KCNT2: variants seen among roughly 807,000 people sequenced by gnomAD.
KCNT2 encodes potassium channel subfamily T member 2.
Under a neutral mutation model 153.8 loss-of-function variants are expected in KCNT2, and 67 were observed. That is an observed-to-expected ratio of 0.44 (90% CI 0.36 to 0.53). KCNT2 has a LOEUF of 0.53. Ranked by LOEUF, KCNT2 falls within the 20% of genes least tolerant of loss-of-function variation. The probability of loss-of-function intolerance (pLI) is 0.00; values close to 1 mark genes in which losing one functional copy is unlikely to be tolerated. For missense variants in KCNT2, 975 were observed against 1,354.8 expected (o/e 0.72, Z 4.40); for synonymous variants, 500 against 458.8 (o/e 1.09, Z -1.15).
At chr1:196,364,343 T>C (rs760047091) in intron 14 of KCNT2, among the ~76,000 whole-genome samples, 6 of 152,274 alleles carry the variant, frequency 3.9e-5, no homozygotes, top group Admixed American at 2.6e-4. Context: ...CTTGAATACG[T>C]AATTTTATTT....
rs558718343 is a variant in KCNT2, at chr1:196,344,458, T to C, written c.1404-2230A>G. Among the ~76,000 whole-genome samples the C allele has an allele frequency of 2.0e-5, 3 of 152,274 alleles. No homozygotes were observed. In the East Asian group the frequency reaches 5.8e-4, roughly 29 times the overall value. ...AGCTACTACTTCCTAAGAATGATTG[T>C]CTCTGGTGGAAAAAACGTTCCCTTT... On this transcript the variant is annotated intron_variant, in intron 14 of 27. Coordinates refer to ENST00000294725, the MANE Select transcript of KCNT2 (RefSeq NM_198503.5).
rs1299778308 is a variant in KCNT2, at chr1:196,465,448, A to G, written c.544-61T>C. The G allele has an allele frequency of 5.8e-6, 5 of 868,948 alleles. No individual in the cohort carries two copies. The Admixed American group carries it at 7.0e-5, about 12-fold the overall frequency. The allele number at this position is 868,948 out of a possible 1,614,324, so 53.8% of individuals were successfully genotyped here. ...TAAATACTAAATATGCATGAGTTTC[A>G]TTACATTTATTAGCATACATTTCAT... On this transcript the variant is annotated intron_variant, in intron 7 of 27. Transcript: ENST00000294725.
intron 1 of KCNT2, among the ~76,000 whole-genome samples, chr1:196,564,621 A>G (rs1280805030): frequency 1.3e-5 from 2 of 152,002 alleles, no homozygotes; most frequent in Non-Finnish European, 2.9e-5. Flanking sequence ...ATAGTAATCA[A>G]AACAGCATAG....
chr1:196,483,458 G>A (rs111557576), intron 3 of KCNT2, among the ~76,000 whole-genome samples: 3 of 152,080 alleles, frequency 2.0e-5, no homozygotes, highest in Non-Finnish European at 4.4e-5. Context: ...TTCAAAATGC[G>A]TTTTAGATCA....
At chr1:196,554,109 A>G (rs1420762920) in intron 1 of KCNT2, among the ~76,000 whole-genome samples, 7 of 151,312 alleles carry the variant, frequency 4.6e-5, no homozygotes, top group Non-Finnish European at 8.9e-5. Context: ...TTAAAGAGCT[A>G]TAAAAACAAG....
intron 1 of KCNT2, among the ~76,000 whole-genome samples, chr1:196,539,148 C>G (rs898071485): frequency 1.6e-4 from 24 of 152,126 alleles, no homozygotes; most frequent in African/African-American, 5.5e-4. Flanking sequence ...TCATGATAAA[C>G]TAAGTTCTTT....
intron 19 of KCNT2, among the ~76,000 whole-genome samples, chr1:196,319,793 AAC>A (rs1245418790): frequency 6.6e-6 from 1 of 151,840 alleles, no homozygotes; most frequent in African/African-American, 2.4e-5. Flanking sequence ...CTAAATCAGA[AAC>A]ATTATCGCAT....
chr1:196,362,507 CTTAA>C (rs933891891), intron 14 of KCNT2, among the ~76,000 whole-genome samples: 3 of 151,982 alleles, frequency 2.0e-5, no homozygotes, highest in African/African-American at 7.2e-5. Flanking sequence ...AGTTCAGATC[CTTAA>C]AAGTTCTGCT....
intron 1 of KCNT2, among the ~76,000 whole-genome samples, chr1:196,493,766 G>C (rs1386462136): frequency 6.6e-6 from 1 of 152,026 alleles, no homozygotes; most frequent in Non-Finnish European, 1.5e-5. Context: ...GAATCAAGCT[G>C]TATGTGTTGT....
At chr1:196,575,117 G>A (rs1661203256) in intron 1 of KCNT2, among the ~76,000 whole-genome samples, 1 of 152,004 alleles carries the variant, frequency 6.6e-6, no homozygotes, top group African/African-American at 2.4e-5. Context: ...AAAGTAATGG[G>A]GTGAATGGTA....
chr1:196,581,174 G>C, intron 1 of KCNT2, among the ~76,000 whole-genome samples: 1 of 151,874 alleles, frequency 6.6e-6, no homozygotes. Context: ...CATAGGCTTA[G>C]AATAAGATCA....
At chr1:196,421,008 C>T (rs1673157136) in intron 12 of KCNT2, among the ~76,000 whole-genome samples, 1 of 152,050 alleles carries the variant, frequency 6.6e-6, no homozygotes, top group African/African-American at 2.4e-5. Context: ...CATTCAGAGA[C>T]ATCTGGTACC....
At chr1:196,269,708 T>C (rs16839693) in intron 25 of KCNT2, among the ~76,000 whole-genome samples, 7,658 of 152,124 alleles carry the variant, frequency 0.05, 286 homozygotes, top group Non-Finnish European at 0.072. Context: ...ATAAAGACAC[T>C]GAAGAAGAGG....
At chr1:196,259,988 C>A (rs1656858407) in intron 25 of KCNT2, among the ~76,000 whole-genome samples, 1 of 151,786 alleles carries the variant, frequency 6.6e-6, no homozygotes, top group Non-Finnish European at 1.5e-5. Context: ...AACACATAAA[C>A]TCTTAAGTAA....
intron 1 of KCNT2, among the ~76,000 whole-genome samples, chr1:196,532,017 T>C (rs181767474): frequency 1.1e-4 from 16 of 152,170 alleles, no homozygotes; most frequent in African/African-American, 3.6e-4. Flanking sequence ...TGCTCAATAG[T>C]ATAGTAAAGT....
chr1:196,586,174 G>A (rs1662658906), intron 1 of KCNT2, among the ~76,000 whole-genome samples: 1 of 152,080 alleles, frequency 6.6e-6, no homozygotes, highest in Non-Finnish European at 1.5e-5. Flanking sequence ...TGAGACAGGA[G>A]GATCACTTCA....
chr1:196,282,170 C>CA, intron 24 of KCNT2, 103 bp downstream of exon 24: 1 of 532,900 alleles, frequency 1.9e-6, no homozygotes, highest in Non-Finnish European at 3.4e-6. Flanking sequence ...ATTCACAATA[C>CA]AAAAAATAAC....
chr1:196,582,221 T>G (rs1313727132), intron 1 of KCNT2, among the ~76,000 whole-genome samples: 1 of 152,028 alleles, frequency 6.6e-6, no homozygotes, highest in African/African-American at 2.4e-5. Flanking sequence ...ATTTTCTAGC[T>G]TTGTAATCAC....
At chr1:196,477,293 A>C (rs75925163) in intron 5 of KCNT2, among the ~76,000 whole-genome samples, 2,617 of 152,282 alleles carry the variant, frequency 0.017, 79 homozygotes, top group African/African-American at 0.059. Flanking sequence ...TTGTTTTAAA[A>C]AGTGAGAGAG....
Sources: allele counts gnomAD v4.1 joint callset (sites outside exome capture counted in the v4.1 genomes callset), GRCh38; gene constraint gnomAD v4.1.1; transcripts MANE v1.5; gene names NCBI Gene and HGNC (gene_info 2026-07-23, HGNC 2026-07-21).